YWHAE: variants seen among roughly 807,000 people sequenced by gnomAD.
The protein encoded by YWHAE is tyrosine 3-monooxygenase/tryptophan 5-monooxygenase activation protein epsilon.
A neutral mutation model predicts 30.1 loss-of-function variants in YWHAE; 4 were observed. The observed-to-expected ratio is 0.13, with a 90% CI of 0.07 to 0.30. The LOEUF (loss-of-function observed/expected upper bound fraction) is 0.30, where lower values mean the gene tolerates loss of function less well. Among genes scored for constraint, YWHAE ranks in the 10% least tolerant of loss-of-function variants. YWHAE has a pLI of 1.00. For synonymous variants in YWHAE, 118 were observed against 111.8 expected (o/e 1.06, Z -0.35); for missense variants, 121 against 315.9 (o/e 0.38, Z 4.68).
At chr17:1,399,607 C>A in intron 1 of YWHAE, 1 of 211,502 alleles carries the variant, frequency 4.7e-6, no homozygotes, top group Non-Finnish European at 9.8e-6. Context: ...CGCGCTACAG[C>A]TCCCGGTCTT....
At chr17:1,387,172 T>C (rs910040589) in intron 1 of YWHAE, among the ~76,000 whole-genome samples, 1 of 152,226 alleles carries the variant, frequency 6.6e-6, no homozygotes, top group Non-Finnish European at 1.5e-5. Context: ...TGTACTAAAG[T>C]TGGAATGACA....
chr17:1,370,073 C>T (rs1598249463), intron 1 of YWHAE, among the ~76,000 whole-genome samples: 1 of 146,456 alleles, frequency 6.8e-6, no homozygotes, highest in African/African-American at 2.5e-5. Context: ...TGCATGATTT[C>T]TCTGTAGCAT....
At chr17:1,348,414 T>C (rs890478973) in intron 5 of YWHAE, among the ~76,000 whole-genome samples, 1 of 152,156 alleles carries the variant, frequency 6.6e-6, no homozygotes, top group Admixed American at 6.5e-5. Context: ...AGAAATTATG[T>C]TCCAACATGC....
At chr17:1,383,821 G>C (rs995209216) in intron 1 of YWHAE, among the ~76,000 whole-genome samples, 2 of 152,154 alleles carry the variant, frequency 1.3e-5, no homozygotes, top group Non-Finnish European at 2.9e-5. Context: ...CGCACTTTGG[G>C]AGGCTGAGGT....
chr17:1,391,027 G>C (rs1700505291), intron 1 of YWHAE, among the ~76,000 whole-genome samples: 1 of 152,192 alleles, frequency 6.6e-6, no homozygotes. Context: ...TAAAATGTAT[G>C]TAGGGAAAGC....
chr17:1,375,368 C>T (rs2073106681), intron 1 of YWHAE, among the ~76,000 whole-genome samples: 1 of 152,118 alleles, frequency 6.6e-6, no homozygotes. Flanking sequence ...CACATAAAGG[C>T]CCTCAACACA....
Position 1,354,972 on chromosome 17 carries a change from T to TTTG in YWHAE, c.579-626_579-625insCAA, listed in dbSNP as rs1431144737. Reference sequence around the variant, plus strand: ...CCACCGCGCCCAGCCTAGTTTTTTTTTTTTTTTTTTTTTTTTTTTTTTTTT... The same window carrying TTTG: ...CCACCGCGCCCAGCCTAGTTTTTTTTTTGTTTTTTTTTTTTTTTTTTTTTTTTT... On this transcript the variant is annotated intron_variant, in intron 4 of 5. Coordinates refer to ENST00000264335, the MANE Select transcript of YWHAE (RefSeq NM_006761.5). Among the ~76,000 whole-genome samples the TTTG allele has an allele frequency of 1.7e-3, 106 of 63,390 alleles. 2 individuals are homozygous for TTTG. The highest frequency in any genetic ancestry group is 6.1e-3 in the Admixed American group (48 of 7,834). 41.6% of individuals were successfully genotyped at this position (63,390 alleles called of 152,430 possible).
At chr17:1,369,718 T>C (rs951938952) in intron 1 of YWHAE, 4 of 152,176 alleles carry the variant, frequency 2.6e-5, no homozygotes, top group Non-Finnish European at 5.9e-5. Flanking sequence ...CCTTGGAAGA[T>C]ACTGCGGGTT....
At chr17:1,370,782 G>A (rs2073029816) in intron 1 of YWHAE, among the ~76,000 whole-genome samples, 1 of 151,962 alleles carries the variant, frequency 6.6e-6, no homozygotes, top group Non-Finnish European at 1.5e-5. Flanking sequence ...AGATCACGAG[G>A]TCAGGAGATG....
rs2072484225 is a variant in YWHAE, at chr17:1,344,483, C to T, written c.*964G>A. 1 of 189,264 alleles carries T rather than the reference C, an allele frequency of 5.3e-6. No homozygotes were observed. The highest frequency in any genetic ancestry group is 2.3e-5 in the African/African-American group (1 of 42,860). 11.7% of individuals were successfully genotyped at this position (189,264 alleles called of 1,614,324 possible). On this transcript the variant is annotated 3_prime_UTR_variant, in exon 6 of 6. Coordinates refer to ENST00000264335, the MANE Select transcript of YWHAE (RefSeq NM_006761.5). ...CACATTCAGGCAAACATAATACTGT[C>T]AGTGTGTTTGGACTAGAGATTTTAT... is the stretch of plus-strand genomic sequence containing the variant.
chr17:1,395,296 G>A (rs776379723), intron 1 of YWHAE, among the ~76,000 whole-genome samples: 1 of 152,162 alleles, frequency 6.6e-6, no homozygotes, highest in Non-Finnish European at 1.5e-5. Context: ...GGGAGGCTGA[G>A]GTGGGCAGAT....
intron 1 of YWHAE, among the ~76,000 whole-genome samples, chr17:1,371,726 G>A (rs2073045824): frequency 6.6e-6 from 1 of 152,082 alleles, no homozygotes; most frequent in Non-Finnish European, 1.5e-5. Flanking sequence ...TCTAACACAA[G>A]GCTGTTTTGT....
intron 5 of YWHAE, among the ~76,000 whole-genome samples, chr17:1,353,235 G>A (rs1047017162): frequency 4.0e-5 from 6 of 150,586 alleles, no homozygotes; most frequent in Non-Finnish European, 7.4e-5. Flanking sequence ...TTAGGAGATC[G>A]AGGCCAACCT....
intron 5 of YWHAE, chr17:1,352,376 G>C (rs1364644048): frequency 6.6e-6 from 1 of 152,044 alleles, no homozygotes. Flanking sequence ...TCCTTCCAGA[G>C]AAAAGACACA....
chr17:1,387,246 A>T (rs1407098134), intron 1 of YWHAE, among the ~76,000 whole-genome samples: 2 of 152,186 alleles, frequency 1.3e-5, no homozygotes, highest in Non-Finnish European at 2.9e-5. Flanking sequence ...CTCCATCAGA[A>T]TGGGAGATTT....
chr17:1,400,193 C>T lies in YWHAE; in HGVS notation c.-83G>A. 1 of 1,553,204 alleles carries T rather than the reference C, an allele frequency of 6.4e-7. No homozygotes were observed. Among genetic ancestry groups the T allele is most frequent in the Admixed American group, 1.7e-5 (1 of 59,116 alleles). ...CTCTCTCAGCCTCTCGCTCCGCGTC[C>T]GGGCAGCAAAAATGGCGGCGCCTCA... On this transcript the variant is annotated 5_prime_UTR_variant, in exon 1 of 6. Transcript: ENST00000264335.
chr17:1,370,721 A>C (rs573623286), intron 1 of YWHAE, among the ~76,000 whole-genome samples: 16 of 151,986 alleles, frequency 1.1e-4, no homozygotes, highest in East Asian at 3.9e-4. Context: ...GCAGGCTGGG[A>C]GCGGTGGCTC....
intron 1 of YWHAE, among the ~76,000 whole-genome samples, chr17:1,372,468 T>C (rs2073057479): frequency 6.6e-6 from 1 of 152,278 alleles, no homozygotes; most frequent in South Asian, 2.1e-4. Context: ...GGCCCAGCTT[T>C]CAGACCGTGT....
intron 1 of YWHAE, among the ~76,000 whole-genome samples, chr17:1,367,122 C>CT (rs2072957604): frequency 1.3e-5 from 2 of 152,082 alleles, no homozygotes; most frequent in African/African-American, 4.8e-5. Flanking sequence ...TACCATATGA[C>CT]TCAGCAATCC....
Sources: gnomAD v4.1 joint callset for allele counts (sites outside exome capture counted in the v4.1 genomes callset) on GRCh38, gnomAD v4.1.1 for gene constraint, MANE v1.5 for transcripts, NCBI Gene and HGNC (gene_info 2026-07-23, HGNC 2026-07-21) for gene names.